Variants in PUDP observed in about 807,000 individuals in gnomAD.
PUDP encodes the protein pseudouridine 5'-phosphatase.
In PUDP, 8 loss-of-function variants were observed where a neutral mutation model predicts 9.4. The ratio of observed to expected loss-of-function variants is 0.85; its 90% confidence interval spans 0.50 to 1.53. The LOEUF (loss-of-function observed/expected upper bound fraction) is 1.53, where lower values mean the gene tolerates loss of function less well. Ranked by LOEUF, PUDP falls within the 40% of genes most tolerant of loss-of-function variation. The probability of loss-of-function intolerance (pLI) is 0.00; values close to 1 mark genes in which losing one functional copy is unlikely to be tolerated. For missense variants in PUDP, 188 were observed against 189.7 expected (o/e 0.99, Z 0.05); for synonymous variants, 99 against 80.7 (o/e 1.23, Z -1.22).
chrX:6,830,124 A>C (rs5989587), intron 3 of PUDP, among the ~76,000 whole-genome samples: 48,694 of 108,598 alleles, frequency 0.45, 9,128 homozygotes, highest in African/African-American at 0.7. Context: ...TAAGACAAAG[A>C]CACATACCCG....
chrX:6,873,459 G>C (rs1287100940), intron 3 of PUDP, among the ~76,000 whole-genome samples: 1 of 111,889 alleles, frequency 8.9e-6, no homozygotes, highest in Non-Finnish European at 1.9e-5. Flanking sequence ...ATGAAACACT[G>C]AGTAGTTCGC....
chrX:6,789,289 C>CTAAATAAA (rs63378260), intron 3 of PUDP, among the ~76,000 whole-genome samples: 48 of 95,174 alleles, frequency 5.0e-4, no homozygotes, highest in African/African-American at 1.5e-3. Context: ...GACTCTGTCT[C>CTAAATAAA]TAAATAAATA....
intron 3 of PUDP, among the ~76,000 whole-genome samples, chrX:6,796,781 A>G (rs1195543018): frequency 8.9e-6 from 1 of 111,849 alleles, no homozygotes. Context: ...ACAGGACAAG[A>G]AGCCATATCA....
At chrX:6,853,186 C>T (rs1036624962) in intron 3 of PUDP, among the ~76,000 whole-genome samples, 3 of 111,330 alleles carry the variant, frequency 2.7e-5, no homozygotes, top group Admixed American at 9.6e-5. Context: ...AGGCAAGCCC[C>T]CCTGTGCAAG....
At chrX:6,789,011 CG>C (rs1925693367) in intron 3 of PUDP, among the ~76,000 whole-genome samples, 4 of 111,412 alleles carry the variant, frequency 3.6e-5, no homozygotes, top group African/African-American at 1.3e-4. Flanking sequence ...CAGAAGAGAC[CG>C]GGCGCGGTGG....
Position 6,736,164 on chromosome X carries a change from T to C in PUDP, c.*248-29698A>G, listed in dbSNP as rs1924870188. 1.8e-5 allele frequency among the ~76,000 whole-genome samples: 2 copies of C among 112,217 alleles called. 1 individual carries two copies. Among genetic ancestry groups the C allele is most frequent in the Admixed American group, 1.9e-4 (2 of 10,563 alleles). On this transcript the variant is annotated intron_variant and NMD_transcript_variant, in intron 3 of 3. Transcript: ENST00000655425. ...AGAAAAAAAAACATTGAAAACTTTA[T>C]TGAGCTTCTAGTATATTCTAGATGA...
chrX:7,025,518 C>T (rs972917499), intron 1 of PUDP, among the ~76,000 whole-genome samples: 2 of 111,918 alleles, frequency 1.8e-5, no homozygotes, highest in African/African-American at 6.5e-5. Flanking sequence ...AGTACAACCT[C>T]CCAACTGTGA....
At chrX:7,030,844 A>C (rs1161906147) in intron 1 of PUDP, among the ~76,000 whole-genome samples, 3 of 111,634 alleles carry the variant, frequency 2.7e-5, no homozygotes, top group African/African-American at 9.8e-5. Context: ...GCCAAGAAAG[A>C]ATTCAGGTCG....
chrX:6,933,239 T>G (rs1230419918), intron 3 of PUDP, among the ~76,000 whole-genome samples: 2 of 108,710 alleles, frequency 1.8e-5, no homozygotes, highest in Non-Finnish European at 3.8e-5. Flanking sequence ...CACCCCCCAG[T>G]AGGGGCAGAC....
chrX:6,751,500 A>G (rs917230519), intron 3 of PUDP, among the ~76,000 whole-genome samples: 1 of 112,036 alleles, frequency 8.9e-6, no homozygotes, highest in African/African-American at 3.2e-5. Context: ...CCTGTTCATC[A>G]GTACTTGAGC....
At chrX:6,916,382 TTTCC>T (rs1359764434) in intron 3 of PUDP, among the ~76,000 whole-genome samples, 1 of 102,019 alleles carries the variant, frequency 9.8e-6, no homozygotes, top group Non-Finnish European at 2.0e-5. Context: ...ATTCTACCTT[TTTCC>T]TTCCTTTCTT....
At chrX:6,964,599 T>C (rs1464599452) in intron 3 of PUDP, among the ~76,000 whole-genome samples, 1 of 110,906 alleles carries the variant, frequency 9.0e-6, no homozygotes, top group Non-Finnish European at 1.9e-5. Context: ...GCTTGAGCCC[T>C]AGAGGTTGAG....
intron 3 of PUDP, among the ~76,000 whole-genome samples, chrX:6,739,339 A>G (rs762107297): frequency 1.8e-5 from 2 of 111,976 alleles, no homozygotes; most frequent in South Asian, 7.6e-4. Flanking sequence ...CAATTTCCTG[A>G]AAGGGGTTTG....
intron 2 of PUDP, among the ~76,000 whole-genome samples, chrX:7,078,712 C>T (rs1165461213): frequency 2.7e-5 from 3 of 112,321 alleles, no homozygotes; most frequent in African/African-American, 9.7e-5. Context: ...CGAACACCTA[C>T]AGTCATTCAG....
chrX:6,988,430 C>G (rs189372087), intron 1 of PUDP, among the ~76,000 whole-genome samples: 168 of 112,066 alleles, frequency 1.5e-3, no homozygotes, highest in African/African-American at 4.7e-3. Flanking sequence ...GGGAGAAGAC[C>G]TAGAAATTAT....
chrX:6,739,478 G>A (rs1924911219), intron 3 of PUDP, among the ~76,000 whole-genome samples: 1 of 111,435 alleles, frequency 9.0e-6, no homozygotes, highest in Non-Finnish European at 1.9e-5. Flanking sequence ...CATGTCTGAG[G>A]ACATTTTTGG....
chrX:6,779,888 C>T (rs1289764474), intron 3 of PUDP, among the ~76,000 whole-genome samples: 1 of 111,158 alleles, frequency 9.0e-6, no homozygotes, highest in African/African-American at 3.3e-5. Flanking sequence ...GTTCACGCCA[C>T]TGCACTCTAG....
chrX:6,972,412 A>G (rs1319331726), intron 3 of PUDP, among the ~76,000 whole-genome samples: 5 of 112,196 alleles, frequency 4.5e-5, no homozygotes, highest in African/African-American at 1.6e-4. Context: ...GAGTTTTAAC[A>G]TGAAGAGGTG....
At chrX:7,069,374 G>A (rs1294852535) in intron 3 of PUDP, among the ~76,000 whole-genome samples, 2 of 111,269 alleles carry the variant, frequency 1.8e-5, no homozygotes, top group Non-Finnish European at 3.8e-5. Context: ...ATGCCCCAAG[G>A]CTAGTGTTCT....
Sources: allele counts gnomAD v4.1 joint callset (sites outside exome capture counted in the v4.1 genomes callset), GRCh38; gene constraint gnomAD v4.1.1; transcripts MANE v1.5; gene names NCBI Gene and HGNC (gene_info 2026-07-23, HGNC 2026-07-21).